Variants in NMT1 observed in about 807,000 individuals in gnomAD.
NMT1 encodes N-myristoyltransferase 1.
A neutral mutation model predicts 63.4 loss-of-function variants in NMT1; 12 were observed. The ratio of observed to expected loss-of-function variants is 0.19; its 90% confidence interval spans 0.12 to 0.31. NMT1 has a LOEUF of 0.31. Among genes scored for constraint, NMT1 ranks in the 10% least tolerant of loss-of-function variants. The pLI is 1.00. For missense variants in NMT1, 432 were observed against 634.6 expected (o/e 0.68, Z 3.43); for synonymous variants, 228 against 234.3 (o/e 0.97, Z 0.25).
At chr17:45,099,104 A>G (rs1443099328) in intron 7 of NMT1, among the ~76,000 whole-genome samples, 1 of 152,224 alleles carries the variant, frequency 6.6e-6, no homozygotes, top group African/African-American at 2.4e-5. Context: ...GGGCATGACT[A>G]CAGTCCTTTT....
chr17:45,104,711 G>A lies in NMT1; in HGVS notation c.1333-148G>A, dbSNP rs1219680962. ...TGTCCTGAGAACCACCCGGAGAGCG[G>A]GGATTAACGTGGAAGCAGCGGAGCT... On this transcript the variant is annotated intron_variant, in intron 10 of 11. Transcript: ENST00000258960. The surrounding 1 kb of genome is among the most constrained non-coding windows in gnomAD (Gnocchi z 4.2). 1.4e-6 allele frequency: 2 copies of A among 1,467,734 alleles called. No homozygotes were observed. The highest frequency in any genetic ancestry group is 1.8e-6 in the Non-Finnish European group (2 of 1,112,238). 90.9% of individuals were successfully genotyped at this position (1,467,734 alleles called of 1,614,324 possible). A position where few individuals can be genotyped will look rare whatever the true frequency, so the allele number is the denominator to read the frequency against.
chr17:45,091,621 A>T (rs1386630622), intron 3 of NMT1, among the ~76,000 whole-genome samples: 1 of 152,254 alleles, frequency 6.6e-6, no homozygotes, highest in Non-Finnish European at 1.5e-5. Context: ...AGATAAGACT[A>T]GAGGGTCTGG....
In NMT1 at chr17:45,061,349, C is replaced by T. The variant is rs1022554088; in HGVS notation, c.20C>T (p.Thr7Ile). 6.2e-7 allele frequency: 1 copy of T among 1,613,804 alleles called. No homozygotes were observed. The highest frequency in any genetic ancestry group is 1.3e-5 in the African/African-American group (1 of 74,930). MADESE[T>I]AVKPPAPPLP... ...CTCAAGATGGCGGACGAGAGTGAGA[C>T]AGCAGTGAAGCCGCCGGCACCTCCG... The change falls in exon 1 of 12, where the codon ACA (threonine) becomes ATA (isoleucine). Residue 7 changes from threonine to isoleucine, a missense_variant. Coordinates refer to ENST00000258960, the MANE Select transcript of NMT1 (RefSeq NM_021079.5).
At chr17:45,077,737 T>C (rs762437267) in intron 1 of NMT1, among the ~76,000 whole-genome samples, 1 of 152,130 alleles carries the variant, frequency 6.6e-6, no homozygotes, top group Non-Finnish European at 1.5e-5. Flanking sequence ...ATCCTGAGAC[T>C]GAAGTGAAAA....
At chr17:45,070,241 C>T (rs1047057693) in intron 1 of NMT1, among the ~76,000 whole-genome samples, 2 of 150,442 alleles carry the variant, frequency 1.3e-5, no homozygotes, top group African/African-American at 4.9e-5. Context: ...ACAGACCTCC[C>T]AGGGTACCTT....
rs562647602 is a variant in NMT1 at position 45,066,141 on chromosome 17, C to T, written c.131+4681C>T. Among the ~76,000 whole-genome samples the T allele has an allele frequency of 2.2e-4, 34 of 152,194 alleles. 2 individuals carry two copies. The highest frequency in any genetic ancestry group is 8.2e-4 in the African/African-American group (34 of 41,530). On this transcript the variant is annotated intron_variant, in intron 1 of 11. Coordinates refer to ENST00000258960, the MANE Select transcript of NMT1 (RefSeq NM_021079.5). Reference sequence around the variant, plus strand: ...CGATCTTGGCTCACTGCAACCTCTGCCTCCCGGGTTCAAGAAATTCTCCTG... The same window carrying T: ...CGATCTTGGCTCACTGCAACCTCTGTCTCCCGGGTTCAAGAAATTCTCCTG...
chr17:45,077,674 G>A (rs2053986838), intron 1 of NMT1, among the ~76,000 whole-genome samples: 2 of 152,172 alleles, frequency 1.3e-5, no homozygotes, highest in Admixed American at 1.3e-4. Context: ...ACAGGCGTGA[G>A]CCACCGCACC....
intron 1 of NMT1, among the ~76,000 whole-genome samples, chr17:45,079,090 T>G (rs553500395): frequency 4.0e-5 from 6 of 151,874 alleles, no homozygotes; most frequent in Non-Finnish European, 5.9e-5. Context: ...CTTTTTTTCT[T>G]TTCTTTTCTT....
At chr17:45,096,341 C>G in intron 5 of NMT1, 56 bp downstream of exon 5, 10 of 1,347,836 alleles carry the variant, frequency 7.4e-6, no homozygotes, top group African/African-American at 1.4e-5. Flanking sequence ...AGCAGATCCA[C>G]CAGAGGGCAC....
At chr17:45,093,368 A>G (rs1050861296) in intron 3 of NMT1, among the ~76,000 whole-genome samples, 2 of 152,238 alleles carry the variant, frequency 1.3e-5, no homozygotes, top group Non-Finnish European at 2.9e-5. Context: ...CACTCTTTAC[A>G]CCAACCAGGA....
intron 4 of NMT1, among the ~76,000 whole-genome samples, chr17:45,094,709 TTC>T: frequency 6.6e-6 from 1 of 151,662 alleles, no homozygotes; most frequent in Admixed American, 6.6e-5. Flanking sequence ...AAGATGGTGT[TTC>T]ACCATGTTGG....
In NMT1 at chr17:45,106,681, G is replaced by C. The variant is rs1567874000; in HGVS notation, c.*1042G>C. On this transcript the variant is annotated 3_prime_UTR_variant, in exon 12 of 12. Coordinates refer to ENST00000258960, the MANE Select transcript of NMT1 (RefSeq NM_021079.5). Reference sequence around the variant, plus strand: ...TGGGGCCAATACCCAGACCCCTTCAGCCACCAGCCCCTGGCCTGTGCCTTC... The same window carrying C: ...TGGGGCCAATACCCAGACCCCTTCACCCACCAGCCCCTGGCCTGTGCCTTC... 6.5e-6 allele frequency: 1 copy of C among 152,716 alleles called. No homozygotes were observed. The highest frequency in any genetic ancestry group is 1.5e-5 in the Non-Finnish European group (1 of 68,096). 9.5% of individuals were successfully genotyped at this position (152,716 alleles called of 1,614,324 possible).
Position 45,103,965 on chromosome 17 carries a change from A to ATGG in NMT1, c.1332+90_1332+92dup. 6.2e-7 allele frequency: 1 copy of ATGG among 1,601,064 alleles called. No homozygotes were observed. Among genetic ancestry groups the ATGG allele is most frequent in the Non-Finnish European group, 8.5e-7 (1 of 1,179,646 alleles). Reference sequence around the variant, plus strand: ...CACAGCTCCCGGGACGCAGCCTCCCATGGGCTGGAGGCTCTGAGCCCTCCT... The same window carrying ATGG: ...CACAGCTCCCGGGACGCAGCCTCCCATGGTGGGCTGGAGGCTCTGAGCCCTCCT... On this transcript the variant is annotated intron_variant, in intron 10 of 11. Transcript: ENST00000258960. The surrounding 1 kb of genome is among the most constrained non-coding windows in gnomAD (Gnocchi z 4.8).
intron 8 of NMT1, among the ~76,000 whole-genome samples, chr17:45,100,293 G>T (rs752129435): frequency 2.6e-5 from 4 of 152,034 alleles, no homozygotes; most frequent in Non-Finnish European, 2.9e-5. Flanking sequence ...GCTGCCAGGC[G>T]CAGTGGCTCA....
At chr17:45,086,763 G>A (rs1455216452) in intron 3 of NMT1, 111 bp downstream of exon 3, 1 of 1,169,824 alleles carries the variant, frequency 8.5e-7, no homozygotes, top group Non-Finnish European at 1.2e-6. Flanking sequence ...TAGAGTCCTG[G>A]AGTTCCTTGG....
chr17:45,072,849 G>A (rs143936341), intron 1 of NMT1, among the ~76,000 whole-genome samples: 2,576 of 151,930 alleles, frequency 0.017, 53 homozygotes, highest in South Asian at 0.071. Context: ...GTGAGCCACC[G>A]CGCCTGGCCT....
At chr17:45,087,588 A>G (rs1430133924) in intron 3 of NMT1, among the ~76,000 whole-genome samples, 1 of 152,218 alleles carries the variant, frequency 6.6e-6, no homozygotes, top group African/African-American at 2.4e-5. Context: ...GACTCAGCTG[A>G]CAAAGTTTCT....
intron 1 of NMT1, among the ~76,000 whole-genome samples, chr17:45,065,429 C>T (rs1336300347): frequency 2.0e-5 from 3 of 152,002 alleles, no homozygotes; most frequent in East Asian, 3.9e-4. Flanking sequence ...TCGAGACCAT[C>T]CTGGCTAACA....
Position 45,107,719 on chromosome 17 carries a change from C to G in NMT1, c.*2080C>G, listed in dbSNP as rs2054211620. ...GTTCTGGGCCAGGTCCCAGCTTGAG[C>G]TGCCTCTGAGATTTGGGCTGTGCGG... On this transcript the variant is annotated 3_prime_UTR_variant, in exon 12 of 12. Transcript: ENST00000258960. 1 of 152,282 alleles carries G rather than the reference C, an allele frequency of 6.6e-6. No individual in the cohort carries two copies. The highest frequency in any genetic ancestry group is 1.5e-5 in the Non-Finnish European group (1 of 68,084). The allele number at this position is 152,282 out of a possible 1,614,324, so 9.4% of individuals were successfully genotyped here. A position where few individuals can be genotyped will look rare whatever the true frequency, so the allele number is the denominator to read the frequency against.
Sources: allele counts gnomAD v4.1 joint callset (sites outside exome capture counted in the v4.1 genomes callset), GRCh38; gene constraint gnomAD v4.1.1; non-coding constraint Gnocchi (gnomAD v3.1); transcripts MANE v1.5; gene names NCBI Gene and HGNC (gene_info 2026-07-23, HGNC 2026-07-21).